Variants in LRMDA observed in about 807,000 individuals in gnomAD.
LRMDA encodes the protein leucine-rich melanocyte differentiation-associated protein.
Under a neutral mutation model 29.8 loss-of-function variants are expected in LRMDA, and 18 were observed. That is an observed-to-expected ratio of 0.60 (90% confidence interval 0.42 to 0.90). The LOEUF (loss-of-function observed/expected upper bound fraction) is 0.90. LRMDA is among the 40% of genes least tolerant of loss of function. The probability of loss-of-function intolerance (pLI) is 0.00; values close to 1 mark genes in which losing one functional copy is unlikely to be tolerated. For synonymous variants in LRMDA, 125 were observed against 109.4 expected (o/e 1.14, Z -0.89); for missense variants, 273 against 273.9 (o/e 1.00, Z 0.02).
chr10:76,340,380 G>T (rs571189187), intron 6 of LRMDA, among the ~76,000 whole-genome samples: 2 of 152,008 alleles, frequency 1.3e-5, no homozygotes, highest in East Asian at 3.9e-4. Flanking sequence ...GCTGGGCATG[G>T]TGATGCATGC....
At chr10:76,215,985 G>A (rs1224844307) in intron 5 of LRMDA, among the ~76,000 whole-genome samples, 1 of 152,194 alleles carries the variant, frequency 6.6e-6, no homozygotes, top group African/African-American at 2.4e-5. Flanking sequence ...CATAAAGAGG[G>A]TTGACTATAA....
intron 2 of LRMDA, among the ~76,000 whole-genome samples, chr10:75,818,791 C>T (rs1315597521): frequency 1.3e-5 from 2 of 152,182 alleles, no homozygotes; most frequent in African/African-American, 2.4e-5. Context: ...TTTTAAGATA[C>T]TGGCTGCTGG....
chr10:76,331,427 A>G (rs79023069), intron 6 of LRMDA, among the ~76,000 whole-genome samples: 1 of 152,206 alleles, frequency 6.6e-6, no homozygotes, highest in African/African-American at 2.4e-5. Context: ...TAGTCTTTCA[A>G]GAGAGCTAAG....
intron 2 of LRMDA, among the ~76,000 whole-genome samples, chr10:75,548,972 G>C (rs1351447604): frequency 6.6e-6 from 1 of 152,036 alleles, no homozygotes; most frequent in Non-Finnish European, 1.5e-5. Flanking sequence ...CTTGGATAAT[G>C]GTACAGTTGG....
intron 6 of LRMDA, among the ~76,000 whole-genome samples, chr10:76,345,994 C>CA (rs1231972540): frequency 6.6e-6 from 1 of 152,072 alleles, no homozygotes; most frequent in Non-Finnish European, 1.5e-5. Context: ...TATTTTTGAG[C>CA]AAAAACATGT....
intron 6 of LRMDA, among the ~76,000 whole-genome samples, chr10:76,385,297 T>A (rs1005094466): frequency 2.0e-5 from 3 of 152,348 alleles, no homozygotes; most frequent in African/African-American, 4.8e-5. Context: ...GAGTGTACTC[T>A]ATTTCTGTTG....
intron 5 of LRMDA, among the ~76,000 whole-genome samples, chr10:76,248,370 T>G (rs1852413780): frequency 6.6e-6 from 1 of 152,162 alleles, no homozygotes; most frequent in Non-Finnish European, 1.5e-5. Flanking sequence ...CAGAGTTCCT[T>G]AACATATCTA....
chr10:76,512,384 G>C (rs1443188448), intron 6 of LRMDA, among the ~76,000 whole-genome samples: 6 of 152,198 alleles, frequency 3.9e-5, no homozygotes, highest in African/African-American at 1.4e-4. Flanking sequence ...TAAATGTATA[G>C]ATCAATGTAA....
intron 2 of LRMDA, among the ~76,000 whole-genome samples, chr10:75,494,966 G>A (rs746532249): frequency 6.6e-6 from 1 of 152,190 alleles, no homozygotes; most frequent in South Asian, 2.1e-4. Flanking sequence ...TTCCAGGCTG[G>A]CAGCAGGAAG....
At chr10:75,656,919 T>G (rs1841682918) in intron 2 of LRMDA, among the ~76,000 whole-genome samples, 1 of 152,194 alleles carries the variant, frequency 6.6e-6, no homozygotes, top group Admixed American at 6.5e-5. Context: ...TGGGGAGTAT[T>G]AAAGTGTTTA....
At chr10:75,471,408 A>G (rs925141237) in intron 2 of LRMDA, among the ~76,000 whole-genome samples, 4 of 151,998 alleles carry the variant, frequency 2.6e-5, no homozygotes, top group Admixed American at 2.0e-4. Context: ...CAAACCAGGC[A>G]TTTAAAACTT....
intron 2 of LRMDA, among the ~76,000 whole-genome samples, chr10:76,011,328 C>A (rs1203582916): frequency 6.6e-6 from 1 of 152,124 alleles, no homozygotes; most frequent in East Asian, 1.9e-4. Context: ...CTGGTGTAGT[C>A]CACCCAGAAG....
At chr10:76,004,572 C>T (rs1310964914) in intron 2 of LRMDA, among the ~76,000 whole-genome samples, 1 of 152,148 alleles carries the variant, frequency 6.6e-6, no homozygotes, top group African/African-American at 2.4e-5. Context: ...CTGGCCACCC[C>T]CAGGTCTACT....
At chr10:75,959,392 C>T (rs1480883460) in intron 2 of LRMDA, among the ~76,000 whole-genome samples, 1 of 152,168 alleles carries the variant, frequency 6.6e-6, no homozygotes, top group African/African-American at 2.4e-5. Context: ...TAGCATACCA[C>T]ATGTATAAGT....
At chr10:76,356,375 T>G (rs1219071166) in intron 6 of LRMDA, among the ~76,000 whole-genome samples, 1 of 152,216 alleles carries the variant, frequency 6.6e-6, no homozygotes, top group Non-Finnish European at 1.5e-5. Context: ...AAAATCCTGC[T>G]TCCTAGCTGG....
At chr10:76,212,497 A>T (rs1397146074) in intron 5 of LRMDA, among the ~76,000 whole-genome samples, 1 of 152,160 alleles carries the variant, frequency 6.6e-6, no homozygotes, top group Non-Finnish European at 1.5e-5. Flanking sequence ...CTGCTGAACA[A>T]TAATTCATTC....
intron 6 of LRMDA, among the ~76,000 whole-genome samples, chr10:76,445,087 T>C (rs1260623178): frequency 6.6e-6 from 1 of 152,184 alleles, no homozygotes. Flanking sequence ...GACACAGGTC[T>C]TCCTCTCAAG....
At chr10:75,970,864 G>T (rs1362548826) in intron 2 of LRMDA, among the ~76,000 whole-genome samples, 1 of 152,172 alleles carries the variant, frequency 6.6e-6, no homozygotes, top group African/African-American at 2.4e-5. Context: ...AGAAGTAGTG[G>T]TACCTTCTAT....
chr10:76,266,150 G>A (rs990890591), intron 5 of LRMDA, among the ~76,000 whole-genome samples: 23 of 152,008 alleles, frequency 1.5e-4, no homozygotes, highest in African/African-American at 3.9e-4. Flanking sequence ...GATTAACCGG[G>A]ATAATAAAAA....
Sources: gnomAD v4.1 joint callset for allele counts (sites outside exome capture counted in the v4.1 genomes callset) on GRCh38, gnomAD v4.1.1 for gene constraint, MANE v1.5 for transcripts, NCBI Gene and HGNC (gene_info 2026-07-23, HGNC 2026-07-21) for gene names.